The following CDH23 variants were observed in gnomAD, a reference collection of about 807,000 sequenced individuals.
CDH23 encodes cadherin related 23.
CDH23 carries 189 observed loss-of-function variants against 317.1 expected under a neutral mutation model. The observed-to-expected ratio is 0.60, with a 90% CI of 0.53 to 0.67. The LOEUF is 0.67. Ranked by LOEUF, CDH23 falls within the 30% of genes least tolerant of loss-of-function variation. The probability of loss-of-function intolerance (pLI) is 0.00; values close to 1 mark genes in which losing one functional copy is unlikely to be tolerated. For synonymous variants in CDH23, 1,839 were observed against 1,876.8 expected (o/e 0.98, Z 0.52); for missense variants, 4,401 against 4,592.4 (o/e 0.96, Z 1.20).
At chr10:71,790,176 C>T (rs1841207186) in intron 45 of CDH23, 112 bp from the exon 46 acceptor site, 2 of 1,438,760 alleles carry the variant, frequency 1.4e-6, no homozygotes, top group South Asian at 2.7e-5. Flanking sequence ...GTCCACCTCA[C>T]CTCCCTCCCC....
intron 6 of CDH23, among the ~76,000 whole-genome samples, chr10:71,537,156 A>G (rs1217825013): frequency 5.3e-5 from 8 of 152,014 alleles, no homozygotes; most frequent in Admixed American, 1.3e-4. Flanking sequence ...GCAAGAGGCA[A>G]GTGCCCACCC....
chr10:71,695,638 C>G, intron 22 of CDH23, 113 bp downstream of exon 22: 2 of 717,570 alleles, frequency 2.8e-6, no homozygotes, highest in Non-Finnish European at 4.8e-6. Flanking sequence ...CTCTGTGTCC[C>G]TCTGAGCTGG....
At position 71,553,457 on chromosome 10, in the gene CDH23, G is replaced by T. The variant is rs1394517156; in HGVS notation, c.430-13285G>T. ...GAAGGGCCGGCAGCAGTAGCCTCAG[G>T]ATTGGAGAGGCAGAAACCACACCAG... is the stretch of plus-strand genomic sequence containing the variant. On this transcript the variant is annotated intron_variant, in intron 6 of 69. Coordinates refer to ENST00000224721, the MANE Select transcript of CDH23 (RefSeq NM_022124.6). Among the ~76,000 whole-genome samples, 3 of 152,124 alleles carry T rather than the reference G, an allele frequency of 2.0e-5. No individual in the cohort carries two copies. In the East Asian group the frequency reaches 5.8e-4, roughly 29 times the overall value.
rs567022198 is a variant in CDH23 at position 71,707,384 on chromosome 10, C to G, written c.3106+335C>G. Reference sequence around the variant, plus strand: ...CTGAGCCCCACTCCCCGCCCCAAGTCTGGGTGACAGAGCAGTGACTTGGAG... The same window carrying G: ...CTGAGCCCCACTCCCCGCCCCAAGTGTGGGTGACAGAGCAGTGACTTGGAG... On this transcript the variant is annotated intron_variant, in intron 26 of 69. Transcript: ENST00000224721. 2.2e-6 allele frequency: 3 copies of G among 1,357,056 alleles called. No individual in the cohort carries two copies. The African/African-American group carries it at 4.4e-5, about 20-fold the overall frequency. 84.1% of individuals were successfully genotyped at this position (1,357,056 alleles called of 1,614,324 possible).
Position 71,682,344 on chromosome 10 carries a change from G to A in CDH23, c.1859-101G>A, listed in dbSNP as rs1864687643. 18 of 1,480,396 alleles carry A rather than the reference G, an allele frequency of 1.2e-5. No individual in the cohort carries two copies. The South Asian group carries it at 2.3e-4, about 19-fold the overall frequency. The allele number at this position is 1,480,396 out of a possible 1,614,324, so 91.7% of individuals were successfully genotyped here. ...CAGAAAACAAGCCAGAGCTGGCCCG[G>A]GCCATGCCAGCCATAACTTCTCTGC... On this transcript the variant is annotated intron_variant, in intron 17 of 69. Transcript: ENST00000224721.
intron 1 of CDH23, among the ~76,000 whole-genome samples, chr10:71,438,338 T>G (rs1849711439): frequency 8.3e-6 from 1 of 119,870 alleles, no homozygotes; most frequent in Admixed American, 8.7e-5. Flanking sequence ...AGTGAGATTC[T>G]GTCTCAAACA....
chr10:71,667,092 C>G (rs1410749260), intron 14 of CDH23, among the ~76,000 whole-genome samples: 2 of 152,270 alleles, frequency 1.3e-5, no homozygotes, highest in African/African-American at 4.8e-5. Context: ...CCGCCTGCCT[C>G]TGTTGCTGGG....
At chr10:71,787,422 C>T (rs1339213632) in intron 44 of CDH23, among the ~76,000 whole-genome samples, 1 of 149,612 alleles carries the variant, frequency 6.7e-6, no homozygotes, top group African/African-American at 2.5e-5. Flanking sequence ...GTGTACCCAT[C>T]AGGTGTACCC....
rs1051669171 is a variant in CDH23, at chr10:71,453,832, T to C, written c.145+7437T>C. On this transcript the variant is annotated intron_variant, in intron 3 of 69. Transcript: ENST00000224721. ...AGGGACGGGGATGGGAGGAGTCCAG[T>C]GGCTCCCGGACATCAGCTGGGTGTG... Among the ~76,000 whole-genome samples the C allele has an allele frequency of 3.3e-5, 5 of 152,328 alleles. No homozygotes were observed. The Middle Eastern group carries it at 0.01, about 311-fold the overall frequency.
At chr10:71,702,908 A>G (rs1363957611) in intron 24 of CDH23, among the ~76,000 whole-genome samples, 1 of 152,148 alleles carries the variant, frequency 6.6e-6, no homozygotes, top group Non-Finnish European at 1.5e-5. Context: ...GCAAAGATGG[A>G]ATTCTGGAAG....
intron 9 of CDH23, among the ~76,000 whole-genome samples, chr10:71,609,237 G>C (rs925164999): frequency 6.7e-6 from 1 of 150,336 alleles, no homozygotes; most frequent in African/African-American, 2.5e-5. Flanking sequence ...GAACTGCCCC[G>C]CCCCAACATC....
chr10:71,647,337 C>CTA (rs1275686623), intron 14 of CDH23, among the ~76,000 whole-genome samples: 1 of 152,184 alleles, frequency 6.6e-6, no homozygotes, highest in Non-Finnish European at 1.5e-5. Context: ...GTGGCACACG[C>CTA]CTGTAGTCCC....
At chr10:71,778,141 G>A in intron 39 of CDH23, 48 bp from the exon 40 acceptor site, 1 of 1,610,038 alleles carries the variant, frequency 6.2e-7, no homozygotes, top group Non-Finnish European at 8.5e-7. Flanking sequence ...GGGTGCTGCA[G>A]ACCTACCACC....
chr10:71,463,257 C>T (rs1851094494), intron 3 of CDH23, among the ~76,000 whole-genome samples: 1 of 152,200 alleles, frequency 6.6e-6, no homozygotes, highest in Non-Finnish European at 1.5e-5. Context: ...CCAAGGGTGC[C>T]TGTCCCTGCT....
At chr10:71,598,225 G>A (rs185669508) in intron 9 of CDH23, among the ~76,000 whole-genome samples, 57 of 152,354 alleles carry the variant, frequency 3.7e-4, no homozygotes, top group South Asian at 2.9e-3. Context: ...GCAGAGGTTT[G>A]TAGAGGGAGC....
intron 26 of CDH23, 134 bp downstream of exon 26, chr10:71,707,183 C>T: frequency 6.5e-7 from 1 of 1,526,780 alleles, no homozygotes; most frequent in Non-Finnish European, 8.8e-7. Context: ...TGGGCTTTAG[C>T]CTCTGGTGGT....
chr10:71,702,095 A>G lies in CDH23; in HGVS notation c.2471A>G (p.Tyr824Cys), dbSNP rs775402738. 1 of 1,613,976 alleles carries G rather than the reference A, an allele frequency of 6.2e-7. No individual in the cohort carries two copies. The highest frequency in any genetic ancestry group is 8.5e-7 in the Non-Finnish European group (1 of 1,179,892). ...VYSIQPPNKFYSLNSTTGKIR... is the reference protein window; with the variant it reads ...VYSIQPPNKFCSLNSTTGKIR... ...AGCATCCAGCCACCCAACAAGTTCT[A>G]CAGCCTCAACAGCACCACGGGCAAG... The change falls in exon 23 of 70, where the codon TAC becomes TGC. Residue 824 changes from tyrosine to cysteine, a missense_variant. Coordinates refer to ENST00000224721, the MANE Select transcript of CDH23 (RefSeq NM_022124.6).
At chr10:71,715,726 C>T (rs1866186032) in intron 28 of CDH23, 1 of 436,132 alleles carries the variant, frequency 2.3e-6, no homozygotes, top group East Asian at 3.6e-5. Flanking sequence ...CAAGCAGCAG[C>T]GAGGGGGTCT....
At chr10:71,491,141 C>T (rs1344695402) in intron 3 of CDH23, among the ~76,000 whole-genome samples, 2 of 152,222 alleles carry the variant, frequency 1.3e-5, no homozygotes, top group Non-Finnish European at 2.9e-5. Context: ...GGGAGCTCCT[C>T]GCGTCATGTG....
Sources: gnomAD v4.1 joint callset for allele counts (sites outside exome capture counted in the v4.1 genomes callset) on GRCh38, gnomAD v4.1.1 for gene constraint, MANE v1.5 for transcripts, NCBI Gene and HGNC (gene_info 2026-07-23, HGNC 2026-07-21) for gene names.